The following RBFOX1 variants were observed in gnomAD, a reference collection of about 807,000 sequenced individuals.
RBFOX1 encodes RNA binding fox-1 homolog 1, also known as RNA binding protein fox-1 homolog 1.
Under a neutral mutation model 57.7 loss-of-function variants are expected in RBFOX1, and 8 were observed. That is an observed-to-expected ratio of 0.14 (90% CI 0.08 to 0.25). The LOEUF (loss-of-function observed/expected upper bound fraction) is 0.25. Among genes scored for constraint, RBFOX1 ranks in the 10% least tolerant of loss-of-function variants. The pLI, the probability that RBFOX1 is intolerant of heterozygous loss-of-function variation, is 1.00. For synonymous variants in RBFOX1, 326 were observed against 222.4 expected (o/e 1.47, Z -4.15); for missense variants, 611 against 548.5 (o/e 1.11, Z -1.14).
At chr16:7,349,057 A>G (rs2097076979) in intron 4 of RBFOX1, among the ~76,000 whole-genome samples, 1 of 152,218 alleles carries the variant, frequency 6.6e-6, no homozygotes, top group African/African-American at 2.4e-5. Flanking sequence ...GGACATTGAA[A>G]AATGTGCTAG....
At chr16:6,751,937 A>C (rs2075002179) in intron 3 of RBFOX1, among the ~76,000 whole-genome samples, 1 of 152,166 alleles carries the variant, frequency 6.6e-6, no homozygotes, top group Non-Finnish European at 1.5e-5. Flanking sequence ...AGGCTTTAAC[A>C]AACAATATTT....
rs531278678 is a variant in RBFOX1 at position 5,871,173 on chromosome 16, C to CGT, written c.351+3839_351+3840dup. On this transcript the variant is annotated intron_variant, in intron 4 of 19. Coordinates refer to the RBFOX1 transcript ENST00000641259. ...AGATGGCACATGAGCTATTGAGAAACGTTAAAAACCCTGTAGAGGAAAGAG... is the reference window on the plus strand; with the variant it reads ...AGATGGCACATGAGCTATTGAGAAACGTGTTAAAAACCCTGTAGAGGAAAGAG... Among the ~76,000 whole-genome samples the CGT allele has an allele frequency of 9.8e-5, 15 of 152,316 alleles. No homozygotes were observed. The South Asian group carries it at 2.3e-3, about 23-fold the overall frequency.
intron 1 of RBFOX1, among the ~76,000 whole-genome samples, chr16:6,124,627 C>T (rs565865065): frequency 9.2e-5 from 14 of 152,146 alleles, no homozygotes; most frequent in South Asian, 4.2e-4. Context: ...TTCAGCCTTC[C>T]GAGTAGTGAG....
At chr16:6,965,559 A>G (rs945514320) in intron 3 of RBFOX1, among the ~76,000 whole-genome samples, 1 of 152,046 alleles carries the variant, frequency 6.6e-6, no homozygotes, top group Non-Finnish European at 1.5e-5. Flanking sequence ...CTGGTGTCAA[A>G]CTCCGGACCT....
chr16:6,555,718 A>G (rs2097088438), intron 2 of RBFOX1, among the ~76,000 whole-genome samples: 1 of 151,848 alleles, frequency 6.6e-6, no homozygotes, highest in African/African-American at 2.4e-5. Context: ...ACAAAACAAA[A>G]CAAACAAACA....
chr16:5,572,231 C>G (rs1266847973), intron 2 of RBFOX1, among the ~76,000 whole-genome samples: 1 of 152,198 alleles, frequency 6.6e-6, no homozygotes, highest in Non-Finnish European at 1.5e-5. Context: ...GGCTCAGAAG[C>G]TCTCCAGGCT....
intron 1 of RBFOX1, among the ~76,000 whole-genome samples, chr16:6,263,194 T>C (rs1369413437): frequency 2.0e-5 from 3 of 152,310 alleles, no homozygotes; most frequent in Middle Eastern, 3.4e-3. Context: ...CTGCTCAATA[T>C]TGGAGGGTCA....
In RBFOX1 at chr16:7,225,919, T is replaced by TATATATATATATATATAA. The variant is rs1315130232; in HGVS notation, c.27+173822_27+173823insTATATATATATATATAAA. Among the ~76,000 whole-genome samples, 26 of 142,158 alleles carry TATATATATATATATATAA rather than the reference T, an allele frequency of 1.8e-4. 1 individual carries two copies. The highest frequency in any genetic ancestry group is 4.9e-4 in the African/African-American group (18 of 36,926). The allele number at this position is 142,158 out of a possible 152,430, so 93.3% of individuals were successfully genotyped here. A position where few individuals can be genotyped will look rare whatever the true frequency, so the allele number is the denominator to read the frequency against. ...AAAGTATAATAAATATATATATATA[T>TATATATATATATATATAA]AAATGTGAATGTCATGTTTCTGAGA... On this transcript the variant is annotated intron_variant, in intron 4 of 15. Transcript: ENST00000550418.
intron 2 of RBFOX1, among the ~76,000 whole-genome samples, chr16:6,528,391 G>C (rs532310247): frequency 6.6e-6 from 1 of 152,250 alleles, no homozygotes; most frequent in East Asian, 1.9e-4. Context: ...ATTTGGATAA[G>C]TCCACCATCA....
chr16:7,062,317 C>CAAAAAA (rs57989614), intron 4 of RBFOX1, among the ~76,000 whole-genome samples: 151 of 65,110 alleles, frequency 2.3e-3, no homozygotes, highest in Middle Eastern at 0.011. Flanking sequence ...GACTCCATCT[C>CAAAAAA]AAAAAAAAAA....
intron 3 of RBFOX1, among the ~76,000 whole-genome samples, chr16:5,647,860 T>C (rs966266023): frequency 6.6e-6 from 1 of 151,998 alleles, no homozygotes; most frequent in Non-Finnish European, 1.5e-5. Context: ...TTTGTTTTTG[T>C]TTTTGTTTTT....
chr16:7,660,464 T>G (rs1022826017), intron 12 of RBFOX1, among the ~76,000 whole-genome samples: 2 of 152,246 alleles, frequency 1.3e-5, no homozygotes, highest in Non-Finnish European at 2.9e-5. Context: ...TTTCCCTGCA[T>G]ATCTTATATT....
At chr16:6,888,808 A>G (rs548945584) in intron 3 of RBFOX1, among the ~76,000 whole-genome samples, 2 of 152,270 alleles carry the variant, frequency 1.3e-5, no homozygotes, top group Non-Finnish European at 2.9e-5. Context: ...TGTGTTACCA[A>G]ACATTAGATC....
intron 3 of RBFOX1, among the ~76,000 whole-genome samples, chr16:5,760,742 T>A (rs2053565034): frequency 1.3e-5 from 2 of 152,122 alleles, no homozygotes; most frequent in Admixed American, 6.5e-5. Flanking sequence ...GAAAGTTATT[T>A]GAAAGTAATG....
At chr16:5,877,537 A>G (rs905802353) in intron 4 of RBFOX1, among the ~76,000 whole-genome samples, 7 of 152,226 alleles carry the variant, frequency 4.6e-5, no homozygotes, top group Admixed American at 1.3e-4. Flanking sequence ...GGCGAGCCCC[A>G]CAACTGGGGC....
At chr16:6,278,785 A>G (rs1253891132) in intron 1 of RBFOX1, among the ~76,000 whole-genome samples, 1 of 152,192 alleles carries the variant, frequency 6.6e-6, no homozygotes, top group Non-Finnish European at 1.5e-5. Flanking sequence ...GAAAATGGAA[A>G]TAAAATAGAA....
intron 2 of RBFOX1, among the ~76,000 whole-genome samples, chr16:6,631,169 T>C (rs2098380499): frequency 6.6e-6 from 1 of 151,856 alleles, no homozygotes; most frequent in East Asian, 1.9e-4. Flanking sequence ...GCAGAGTAAT[T>C]GAAATAGAGC....
intron 3 of RBFOX1, among the ~76,000 whole-genome samples, chr16:6,656,287 C>A (rs1351347224): frequency 2.0e-5 from 3 of 152,150 alleles, no homozygotes; most frequent in African/African-American, 7.2e-5. Flanking sequence ...AATTCATCAA[C>A]ATGTTTTGTC....
chr16:6,687,661 TG>T (rs765763447), intron 3 of RBFOX1, among the ~76,000 whole-genome samples: 3 of 152,194 alleles, frequency 2.0e-5, no homozygotes, highest in Non-Finnish European at 2.9e-5. Context: ...AGGCTGCTCC[TG>T]TTTCATCTAG....
Sources: allele counts gnomAD v4.1 joint callset (sites outside exome capture counted in the v4.1 genomes callset), GRCh38; gene constraint gnomAD v4.1.1; transcripts MANE v1.5; gene names NCBI Gene and HGNC (gene_info 2026-07-23, HGNC 2026-07-21).